Variants in GALNT17 observed in about 807,000 individuals in gnomAD.
GALNT17 encodes the protein UDP-GalNAc:polypeptide N-acetylgalactosaminyltransferase-like 3.
A neutral mutation model predicts 63.7 loss-of-function variants in GALNT17; 29 were observed. The ratio of observed to expected loss-of-function variants is 0.46; its 90% CI spans 0.34 to 0.62. The LOEUF is 0.62. Ranked by LOEUF, GALNT17 falls within the 20% of genes least tolerant of loss-of-function variation. The pLI is 0.01. For synonymous variants in GALNT17, 305 were observed against 318.3 expected (o/e 0.96, Z 0.45); for missense variants, 603 against 799.6 (o/e 0.75, Z 2.97).
chr7:71,279,751 C>G (rs1001304498), intron 1 of GALNT17, among the ~76,000 whole-genome samples: 1 of 150,628 alleles, frequency 6.6e-6, no homozygotes, highest in Non-Finnish European at 1.5e-5. Context: ...TAGAGGCATG[C>G]CCAGGCTGGA....
chr7:71,452,407 A>G (rs1306681300), intron 5 of GALNT17, among the ~76,000 whole-genome samples: 1 of 152,010 alleles, frequency 6.6e-6, no homozygotes, highest in African/African-American at 2.4e-5. Flanking sequence ...TTAGGCAGGC[A>G]TGGTGGTGTG....
intron 1 of GALNT17, among the ~76,000 whole-genome samples, chr7:71,220,688 A>G (rs924362860): frequency 5.9e-5 from 9 of 152,192 alleles, no homozygotes; most frequent in African/African-American, 1.4e-4. Flanking sequence ...CCTTAATCCA[A>G]TATGCCTGGT....
At chr7:71,155,480 C>A (rs756014633) in intron 1 of GALNT17, among the ~76,000 whole-genome samples, 6 of 151,656 alleles carry the variant, frequency 4.0e-5, no homozygotes, top group Non-Finnish European at 8.8e-5. Context: ...CGCCATGTTG[C>A]CCGGGCTGGT....
At chr7:71,250,418 G>GT (rs1790176332) in intron 1 of GALNT17, among the ~76,000 whole-genome samples, 1 of 152,146 alleles carries the variant, frequency 6.6e-6, no homozygotes, top group South Asian at 2.1e-4. Flanking sequence ...TACTAAAGGA[G>GT]TTTTTTGACA....
chr7:71,222,820 C>T (rs1789611712), intron 1 of GALNT17, among the ~76,000 whole-genome samples: 2 of 152,114 alleles, frequency 1.3e-5, no homozygotes, highest in South Asian at 2.1e-4. Context: ...CCTGTAATCC[C>T]AACACTTTGG....
intron 2 of GALNT17, among the ~76,000 whole-genome samples, chr7:71,367,037 A>G (rs773119157): frequency 1.6e-4 from 24 of 152,204 alleles, no homozygotes; most frequent in Non-Finnish European, 3.2e-4. Context: ...GATTTTCAAT[A>G]CATTTTGTTC....
intron 1 of GALNT17, among the ~76,000 whole-genome samples, chr7:71,234,322 C>T (rs1005079502): frequency 3.3e-5 from 5 of 152,116 alleles, no homozygotes; most frequent in Admixed American, 1.3e-4. Context: ...AGTGCAGTGG[C>T]GCAATCTCGG....
chr7:71,266,512 C>T (rs1922509), intron 1 of GALNT17, among the ~76,000 whole-genome samples: 58,588 of 152,072 alleles, frequency 0.39, 13,337 homozygotes, highest in Non-Finnish European at 0.49. Context: ...TGAGCTTCTG[C>T]AGTCATGCTT....
At chr7:71,523,449 G>A (rs925903111) in intron 5 of GALNT17, among the ~76,000 whole-genome samples, 2 of 151,222 alleles carry the variant, frequency 1.3e-5, no homozygotes, top group Non-Finnish European at 3.0e-5. Flanking sequence ...AAAGAACAGA[G>A]AAAGAAATGC....
At chr7:71,238,562 C>T (rs778325433) in intron 1 of GALNT17, among the ~76,000 whole-genome samples, 10 of 152,108 alleles carry the variant, frequency 6.6e-5, no homozygotes, top group Non-Finnish European at 1.3e-4. Flanking sequence ...AAATGATGGG[C>T]TAAATATTGA....
At chr7:71,255,858 A>G (rs915223109) in intron 1 of GALNT17, among the ~76,000 whole-genome samples, 4 of 152,148 alleles carry the variant, frequency 2.6e-5, no homozygotes, top group Non-Finnish European at 5.9e-5. Context: ...TCCCCCAGCC[A>G]CATGAATGGA....
At chr7:71,263,996 G>C (rs376338393) in intron 1 of GALNT17, among the ~76,000 whole-genome samples, 33 of 152,140 alleles carry the variant, frequency 2.2e-4, no homozygotes, top group Non-Finnish European at 3.8e-4. Flanking sequence ...GTAAATTTGC[G>C]TTTTCTGGCA....
intron 1 of GALNT17, among the ~76,000 whole-genome samples, chr7:71,134,116 G>T (rs1026920016): frequency 6.6e-6 from 1 of 152,206 alleles, no homozygotes; most frequent in African/African-American, 2.4e-5. Flanking sequence ...AAGACTAAGC[G>T]AGGGGAGGTT....
chr7:71,444,095 G>T (rs2116527062), intron 5 of GALNT17, among the ~76,000 whole-genome samples: 1 of 152,172 alleles, frequency 6.6e-6, no homozygotes, highest in East Asian at 1.9e-4. Context: ...AGTGTCCCTG[G>T]CCTGGCTGGC....
chr7:71,149,552 C>T (rs1289236604), intron 1 of GALNT17, among the ~76,000 whole-genome samples: 1 of 152,038 alleles, frequency 6.6e-6, no homozygotes, highest in Non-Finnish European at 1.5e-5. Context: ...CCTCCTTCAC[C>T]CAGGTTAGTA....
chr7:71,162,303 T>C (rs1788363691), intron 1 of GALNT17, among the ~76,000 whole-genome samples: 1 of 152,044 alleles, frequency 6.6e-6, no homozygotes, highest in African/African-American at 2.4e-5. Context: ...GTTTTATATT[T>C]TTCCTTTGCC....
chr7:71,709,288 G>T (rs1791758976), intron 9 of GALNT17, among the ~76,000 whole-genome samples: 1 of 152,108 alleles, frequency 6.6e-6, no homozygotes, highest in African/African-American at 2.4e-5. Flanking sequence ...TTGTGGTTTT[G>T]ATTTGCATGT....
At chr7:71,269,042 A>G (rs61433826) in intron 1 of GALNT17, among the ~76,000 whole-genome samples, 8,626 of 152,224 alleles carry the variant, frequency 0.057, 845 homozygotes, top group African/African-American at 0.2. Context: ...GCTTACTGCC[A>G]TATCAGGGAT....
Position 71,265,118 on chromosome 7 carries a change from ATTTTTTT to A in GALNT17, c.239-70412_239-70406del, listed in dbSNP as rs60738546. On this transcript the variant is annotated intron_variant, in intron 1 of 10. Coordinates refer to ENST00000333538, the MANE Select transcript of GALNT17 (RefSeq NM_022479.3). ...AAATATTATATATATATATATATAT[ATTTTTTT>A]TTTTTTTTTTTTTTTTTTTGAGATG... is the stretch of plus-strand genomic sequence containing the variant. Among the ~76,000 whole-genome samples the A allele has an allele frequency of 5.4e-3, 201 of 37,416 alleles. 4 individuals carry two copies. The highest frequency in any genetic ancestry group is 9.8e-3 in the Non-Finnish European group (144 of 14,660). The allele number at this position is 37,416 out of a possible 152,430, so 24.5% of individuals were successfully genotyped here.
Sources: gnomAD v4.1 joint callset for allele counts (sites outside exome capture counted in the v4.1 genomes callset) on GRCh38, gnomAD v4.1.1 for gene constraint, MANE v1.5 for transcripts, NCBI Gene and HGNC (gene_info 2026-07-23, HGNC 2026-07-21) for gene names.